Variants in SLC15A5 observed in about 807,000 individuals in gnomAD.
SLC15A5 encodes the protein Peptide/histidine transporter ENSP00000340402.
In SLC15A5, 58 loss-of-function variants were observed where a neutral mutation model predicts 56.1. The ratio of observed to expected loss-of-function variants is 1.03; its 90% CI spans 0.84 to 1.29. SLC15A5 has a LOEUF of 1.29. SLC15A5 is among the 50% of genes most tolerant of loss of function. SLC15A5 has a pLI of 0.00. For missense variants in SLC15A5, 681 were observed against 672.1 expected, an observed-to-expected ratio of 1.01 and a Z score of -0.15; for synonymous variants, 264 against 250.5, an observed-to-expected ratio of 1.05 and a Z score of -0.51.
chr12:16,215,037 T>C (rs1331094064), intron 7 of SLC15A5, among the ~76,000 whole-genome samples: 1 of 151,848 alleles, frequency 6.6e-6, no homozygotes, highest in African/African-American at 2.4e-5. Flanking sequence ...ATCTCATCTC[T>C]ACTAAAAATA....
At chr12:16,240,638 C>T (rs1864405131) in intron 4 of SLC15A5, among the ~76,000 whole-genome samples, 1 of 151,976 alleles carries the variant, frequency 6.6e-6, no homozygotes, top group Non-Finnish European at 1.5e-5. Context: ...TTAAAAATAA[C>T]CCCAATGCTA....
chr12:16,276,371 A>G lies in SLC15A5; in HGVS notation c.361+954T>C, dbSNP rs142572753. Among the ~76,000 whole-genome samples the G allele has an allele frequency of 4.4e-3, 663 of 152,178 alleles. 5 individuals are homozygous for G. The highest frequency in any genetic ancestry group is 0.014 in the African/African-American group (588 of 41,544). The stretch of plus-strand genomic sequence containing the variant: ...GCACTTCTCATTATTGGTGAACAGC[A>G]TGCTATATTCCCAAGTTGCTCAGAT... On this transcript the variant is annotated intron_variant, in intron 1 of 8. Coordinates refer to ENST00000344941, the MANE Select transcript of SLC15A5 (RefSeq NM_001170798.1).
chr12:16,248,879 G>A (rs1456534181), intron 3 of SLC15A5, among the ~76,000 whole-genome samples: 2 of 152,042 alleles, frequency 1.3e-5, no homozygotes, highest in East Asian at 3.9e-4. Flanking sequence ...TGGTTTAAAT[G>A]TGCATGGCAA....
intron 7 of SLC15A5, among the ~76,000 whole-genome samples, chr12:16,209,999 T>G (rs951795899): frequency 1.3e-5 from 2 of 152,214 alleles, no homozygotes; most frequent in Non-Finnish European, 2.9e-5. Flanking sequence ...TTCAAAGATC[T>G]CACGTGATTT....
rs1185645957 is a variant in SLC15A5 at position 16,237,753 on chromosome 12, G to A, written c.1162+1928C>T. ...TTTAAAATTTGTGGTAATTAAGCAT[G>A]ATTTGGAAGCTCAGATTGGGGTGTT... On this transcript the variant is annotated intron_variant, in intron 5 of 8. Coordinates refer to ENST00000344941, the MANE Select transcript of SLC15A5 (RefSeq NM_001170798.1). This position sits in a 1 kb window ranked among gnomAD's most constrained non-coding sequence, Gnocchi z 4.1. 6.6e-6 allele frequency among the ~76,000 whole-genome samples: 1 copy of A among 152,110 alleles called. No homozygotes were observed. The highest frequency in any genetic ancestry group is 1.5e-5 in the Non-Finnish European group (1 of 68,024).
chr12:16,238,961 G>T (rs1026390781), intron 5 of SLC15A5, among the ~76,000 whole-genome samples: 10 of 151,356 alleles, frequency 6.6e-5, no homozygotes, highest in African/African-American at 1.7e-4. Flanking sequence ...TTTATCTAGG[G>T]TATGTCCCTC....
chr12:16,214,859 AGAG>A (rs1349539101), intron 7 of SLC15A5, among the ~76,000 whole-genome samples: 2 of 152,148 alleles, frequency 1.3e-5, no homozygotes, highest in Non-Finnish European at 2.9e-5. Flanking sequence ...GCAGCTTGTC[AGAG>A]GTGATGACAG....
intron 7 of SLC15A5, among the ~76,000 whole-genome samples, chr12:16,203,825 T>G (rs1446105937): frequency 6.6e-6 from 1 of 152,190 alleles, no homozygotes; most frequent in Non-Finnish European, 1.5e-5. Context: ...TGAAATACTC[T>G]TATAAATTTA....
intron 4 of SLC15A5, among the ~76,000 whole-genome samples, chr12:16,242,524 C>A (rs1215407488): frequency 6.6e-6 from 1 of 152,100 alleles, no homozygotes; most frequent in Non-Finnish European, 1.5e-5. Context: ...AGAGTAATAG[C>A]CATGTAGCCT....
rs978124953 is a variant in SLC15A5, at chr12:16,248,103, G to A, written c.755-3303C>T. Among the ~76,000 whole-genome samples the A allele has an allele frequency of 2.6e-5, 4 of 152,198 alleles. No individual in the cohort carries two copies. The East Asian group carries it at 7.7e-4, about 29-fold the overall frequency. On this transcript the variant is annotated intron_variant, in intron 3 of 8. Transcript: ENST00000344941. ...TTTTTTCCCCCTTAAACAGCTGGGTGTTGGTGACTTTATTGAGAGGGAGAA... is the reference window on the plus strand; with the variant it reads ...TTTTTTCCCCCTTAAACAGCTGGGTATTGGTGACTTTATTGAGAGGGAGAA...
At position 16,189,202 on chromosome 12, in the gene SLC15A5, T is replaced by TA. The variant is rs1407500129; in HGVS notation, c.*465dup. The TA allele has an allele frequency of 6.6e-6, 1 of 152,338 alleles. No individual in the cohort carries two copies. Among genetic ancestry groups the TA allele is most frequent in the East Asian group, 1.9e-4 (1 of 5,188 alleles). The allele number at this position is 152,338 out of a possible 1,614,324, so 9.4% of individuals were successfully genotyped here. A position where few individuals can be genotyped will look rare whatever the true frequency, so the allele number is the denominator to read the frequency against. ...AAATATAGAAAATCATGTATATGTTTATTATTTACTCAGTTATATACAGTA... is the reference window on the plus strand; with the variant it reads ...AAATATAGAAAATCATGTATATGTTTAATTATTTACTCAGTTATATACAGTA... On this transcript the variant is annotated 3_prime_UTR_variant, in exon 9 of 9. Coordinates refer to ENST00000344941, the MANE Select transcript of SLC15A5 (RefSeq NM_001170798.1).
In SLC15A5 at chr12:16,188,635, C is replaced by G. The variant is rs10772902; in HGVS notation, c.*1033G>C. 2.6e-5 allele frequency: 4 copies of G among 151,870 alleles called. No homozygotes were observed. The highest frequency in any genetic ancestry group is 5.9e-5 in the Non-Finnish European group (4 of 67,956). The allele number at this position is 151,870 out of a possible 1,614,324, so 9.4% of individuals were successfully genotyped here. On this transcript the variant is annotated 3_prime_UTR_variant, in exon 9 of 9. Transcript: ENST00000344941. ...TCCTGGAAAGCAATGGCTTTTAAAC[C>G]TTAGGGAACATGAGAATGATTTGGG...
At chr12:16,206,271 C>G (rs1404599049) in intron 7 of SLC15A5, among the ~76,000 whole-genome samples, 1 of 152,146 alleles carries the variant, frequency 6.6e-6, no homozygotes, top group African/African-American at 2.4e-5. Context: ...CAGAAATCTA[C>G]CTCCAAAGAA....
At chr12:16,270,684 G>T (rs150422637) in intron 2 of SLC15A5, among the ~76,000 whole-genome samples, 248 of 152,272 alleles carry the variant, frequency 1.6e-3, no homozygotes, top group African/African-American at 5.7e-3. Context: ...GAGGAATTAA[G>T]GAACTTGCCA....
At chr12:16,272,885 G>T in intron 1 of SLC15A5, 102 bp from the exon 2 acceptor site, 1 of 1,002,148 alleles carries the variant, frequency 1.0e-6, no homozygotes, top group Non-Finnish European at 1.5e-6. Flanking sequence ...ATCATTTTGT[G>T]ATTGTCTTAT....
chr12:16,201,637 T>C (rs1321802186), intron 7 of SLC15A5, among the ~76,000 whole-genome samples: 2 of 152,146 alleles, frequency 1.3e-5, no homozygotes, highest in Non-Finnish European at 2.9e-5. Context: ...GGAGATCTGA[T>C]GGTTTTATAA....
rs547305240 is a variant in SLC15A5, at chr12:16,236,970, T to C, written c.1162+2711A>G. Among the ~76,000 whole-genome samples the C allele has an allele frequency of 7.6e-4, 115 of 152,296 alleles. 1 individual carries two copies. The highest frequency in any genetic ancestry group is 6.8e-3 in the Middle Eastern group (2 of 294). On this transcript the variant is annotated intron_variant, in intron 5 of 8. Transcript: ENST00000344941. ...TAGAAAACCTGTTCAAATGACACTA[T>C]CTTTGTGACCCTGATCTATTAAATG...
chr12:16,263,217 T>C (rs1451285353), intron 2 of SLC15A5, among the ~76,000 whole-genome samples: 1 of 152,170 alleles, frequency 6.6e-6, no homozygotes, highest in Non-Finnish European at 1.5e-5. Context: ...AAATCCAGGT[T>C]GAAGTGGTCT....
In SLC15A5 at chr12:16,247,090, G is replaced by A. The variant is rs373306714; in HGVS notation, c.755-2290C>T. Among the ~76,000 whole-genome samples the A allele has an allele frequency of 3.0e-4, 45 of 152,194 alleles. No individual in the cohort carries two copies. In the South Asian group the frequency reaches 8.7e-3, roughly 29 times the overall value. On this transcript the variant is annotated intron_variant, in intron 3 of 8. Coordinates refer to ENST00000344941, the MANE Select transcript of SLC15A5 (RefSeq NM_001170798.1). ...ATATTTCTATATGTTTTCTCTTAGTGTCTGTATTTATTTTGTTGTATACTG... is the reference window on the plus strand; with the variant it reads ...ATATTTCTATATGTTTTCTCTTAGTATCTGTATTTATTTTGTTGTATACTG...
Sources: gnomAD v4.1 joint callset for allele counts (sites outside exome capture counted in the v4.1 genomes callset) on GRCh38, gnomAD v4.1.1 for gene constraint, Gnocchi (gnomAD v3.1) non-coding constraint, MANE v1.5 for transcripts, NCBI Gene and HGNC (gene_info 2026-07-23, HGNC 2026-07-21) for gene names.